The following HOATZ variants were observed in gnomAD, a reference collection of about 807,000 sequenced individuals.
HOATZ encodes HOATZ cilia and flagella associated protein.
In HOATZ, 26 loss-of-function variants were observed where a neutral mutation model predicts 24.9. The observed-to-expected ratio is 1.04, with a 90% CI of 0.76 to 1.45. The LOEUF (loss-of-function observed/expected upper bound fraction) is 1.45, where lower values mean the gene tolerates loss of function less well. HOATZ is among the 40% of genes most tolerant of loss of function. HOATZ has a pLI of 0.00. For missense variants in HOATZ, 226 were observed against 201.5 expected, an observed-to-expected ratio of 1.12 and a Z score of -0.74; for synonymous variants, 83 against 76.6, an observed-to-expected ratio of 1.08 and a Z score of -0.43.
chr11:111,523,042 G>A (rs1867287981), intron 3 of HOATZ, among the ~76,000 whole-genome samples: 1 of 152,070 alleles, frequency 6.6e-6, no homozygotes, highest in South Asian at 2.1e-4. Context: ...CCAACATCGC[G>A]CCATTTAGCC....
At chr11:111,517,536 C>T (rs1048136802) in intron 3 of HOATZ, among the ~76,000 whole-genome samples, 6 of 152,110 alleles carry the variant, frequency 3.9e-5, no homozygotes, top group Non-Finnish European at 7.4e-5. Flanking sequence ...TTACTAAATT[C>T]CACAGATATT....
chr11:111,515,233 A>C, intron 1 of HOATZ: 1 of 600,898 alleles, frequency 1.7e-6, no homozygotes, highest in Non-Finnish European at 2.9e-6. Flanking sequence ...TTTCCCTTAA[A>C]TTATGGCATC....
chr11:111,536,920 AT>A lies in HOATZ; in HGVS notation c.*95del. On this transcript the variant is annotated 3_prime_UTR_variant, in exon 6 of 6. Transcript: ENST00000375618. ...CAGGATCATTGAGATCACTGGCAAC[AT>A]TATAGTAGACAAAGAAATACAAGTT... 2.1e-6 allele frequency: 2 copies of A among 948,156 alleles called. No individual in the cohort carries two copies. Among genetic ancestry groups the A allele is most frequent in the Non-Finnish European group, 3.4e-6 (2 of 587,908 alleles). The allele number at this position is 948,156 out of a possible 1,614,324, so 58.7% of individuals were successfully genotyped here.
chr11:111,536,712 T>A, intron 5 of HOATZ, 58 bp from the exon 6 acceptor site: 1 of 1,346,958 alleles, frequency 7.4e-7, no homozygotes, highest in Non-Finnish European at 1.1e-6. Context: ...TCATGCTACA[T>A]CATGTTCACA....
chr11:111,517,546 T>G (rs1216286782), intron 3 of HOATZ, among the ~76,000 whole-genome samples: 1 of 152,188 alleles, frequency 6.6e-6, no homozygotes, highest in Non-Finnish European at 1.5e-5. Flanking sequence ...CCACAGATAT[T>G]TATTGAGAAC....
intron 4 of HOATZ, 115 bp from the exon 5 acceptor site, chr11:111,534,297 T>C: frequency 1.4e-6 from 1 of 714,564 alleles, no homozygotes; most frequent in Non-Finnish European, 2.4e-6. Flanking sequence ...TTTAAGAAGC[T>C]AGTCTTTATA....
chr11:111,526,227 G>A (rs1867337685), intron 3 of HOATZ, among the ~76,000 whole-genome samples: 1 of 152,212 alleles, frequency 6.6e-6, no homozygotes, highest in Non-Finnish European at 1.5e-5. Context: ...GCTCCAGTAA[G>A]AACAGTAAGA....
At chr11:111,524,772 A>T in intron 3 of HOATZ, 1 of 378,712 alleles carries the variant, frequency 2.6e-6, no homozygotes, top group Non-Finnish European at 5.1e-6. Context: ...AGGTCAAAAA[A>T]ATATTCAAAA....
At chr11:111,531,299 CAATCA>C (rs1349669613) in intron 3 of HOATZ, among the ~76,000 whole-genome samples, 2 of 8,288 alleles carry the variant, frequency 2.4e-4, no homozygotes, top group Non-Finnish European at 6.0e-3. Context: ...CATCATGACT[CAATCA>C]ATTCAATTCA....
At chr11:111,521,849 G>C (rs1867272169) in intron 3 of HOATZ, among the ~76,000 whole-genome samples, 1 of 152,206 alleles carries the variant, frequency 6.6e-6, no homozygotes, top group Non-Finnish European at 1.5e-5. Flanking sequence ...AACATTTTCA[G>C]TTGACAGATG....
chr11:111,515,577 C>A, intron 2 of HOATZ, 25 bp downstream of exon 2: 1 of 1,590,326 alleles, frequency 6.3e-7, no homozygotes, highest in African/African-American at 1.3e-5. Context: ...TTATGCCTTT[C>A]AACATTCTGA....
At chr11:111,528,088 A>G (rs1591557313) in intron 3 of HOATZ, among the ~76,000 whole-genome samples, 1 of 152,180 alleles carries the variant, frequency 6.6e-6, no homozygotes, top group East Asian at 1.9e-4. Context: ...GAGGCTGACC[A>G]AAGTGGGAGA....
chr11:111,528,275 G>C (rs1867360695), intron 3 of HOATZ, among the ~76,000 whole-genome samples: 1 of 152,204 alleles, frequency 6.6e-6, no homozygotes, highest in Non-Finnish European at 1.5e-5. Flanking sequence ...AGGAGGTGGA[G>C]GTGGCAGTGA....
At chr11:111,515,853 A>T (rs1867190053) in intron 2 of HOATZ, among the ~76,000 whole-genome samples, 187 bp from the exon 3 acceptor site, 1 of 152,266 alleles carries the variant, frequency 6.6e-6, no homozygotes, top group Admixed American at 6.5e-5. Flanking sequence ...CCCTGCAGCC[A>T]TAGCTAATTA....
intron 3 of HOATZ, among the ~76,000 whole-genome samples, chr11:111,516,605 T>C (rs1867206902): frequency 6.6e-6 from 1 of 152,084 alleles, no homozygotes; most frequent in African/African-American, 2.4e-5. Context: ...TAGTCTGAGC[T>C]ACTTGGGAGG....
intron 3 of HOATZ, chr11:111,524,975 A>ACCTCAG (rs1398467273): frequency 2.5e-6 from 1 of 404,142 alleles, no homozygotes; most frequent in East Asian, 7.8e-5. Context: ...TGATTCTCCC[A>ACCTCAG]CCTCAGCCTC....
chr11:111,523,617 T>C (rs1231768591), intron 3 of HOATZ, among the ~76,000 whole-genome samples: 1 of 152,230 alleles, frequency 6.6e-6, no homozygotes, highest in Non-Finnish European at 1.5e-5. Flanking sequence ...ACTTTCACTA[T>C]CTGCCTTCTG....
chr11:111,515,110 A>G, intron 1 of HOATZ, 100 bp downstream of exon 1: 1 of 757,398 alleles, frequency 1.3e-6, no homozygotes, highest in Non-Finnish European at 2.2e-6. Context: ...TGGTATATAC[A>G]AATAGTTATA....
intron 3 of HOATZ, among the ~76,000 whole-genome samples, chr11:111,532,301 C>T (rs555311145): frequency 1.4e-5 from 2 of 147,576 alleles, no homozygotes; most frequent in South Asian, 4.2e-4. Context: ...TGAAATACGC[C>T]CCCCCACATG....
Sources: allele counts gnomAD v4.1 joint callset (sites outside exome capture counted in the v4.1 genomes callset), GRCh38; gene constraint gnomAD v4.1.1; transcripts MANE v1.5; gene names NCBI Gene and HGNC (gene_info 2026-07-23, HGNC 2026-07-21).